The following BRD10 variants were observed in gnomAD, a reference collection of about 807,000 sequenced individuals.
BRD10 encodes the protein bromodomain containing 10.
chr9:5,965,583 T>C, the BRD10 span, among the ~76,000 whole-genome samples: 1 of 152,236 alleles, frequency 6.6e-6, no homozygotes, highest in Non-Finnish European at 1.5e-5. Context: ...ACTGGGGATA[T>C]TACTTAACCT....
chr9:5,982,573 C>T, the BRD10 span, among the ~76,000 whole-genome samples: 21 of 152,308 alleles, frequency 1.4e-4, no homozygotes, highest in African/African-American at 2.4e-4. Flanking sequence ...CCATGTGATG[C>T]CCTGTGCAGT....
the BRD10 span, chr9:6,007,400 G>T: frequency 6.2e-7 from 1 of 1,609,550 alleles, no homozygotes; most frequent in Non-Finnish European, 8.5e-7. Flanking sequence ...GGCTGCTGCG[G>T]GAAGGCGCGA....
chr9:5,943,747 T>C, the BRD10 span, among the ~76,000 whole-genome samples: 4 of 152,172 alleles, frequency 2.6e-5, no homozygotes, highest in Non-Finnish European at 5.9e-5. Context: ...AATATGCACT[T>C]TTCCACATTC....
the BRD10 span, among the ~76,000 whole-genome samples, chr9:5,933,216 G>A: frequency 6.6e-6 from 1 of 152,166 alleles, no homozygotes; most frequent in Non-Finnish European, 1.5e-5. Flanking sequence ...TGTGAACACA[G>A]GGATAAATTA....
chr9:5,944,295 T>C, the BRD10 span, among the ~76,000 whole-genome samples: 2 of 152,160 alleles, frequency 1.3e-5, no homozygotes, highest in South Asian at 2.1e-4. Context: ...TGAATAAATA[T>C]ATGCCCTTAA....
the BRD10 span, among the ~76,000 whole-genome samples, chr9:5,980,682 TAG>T: frequency 8.6e-5 from 13 of 151,594 alleles, no homozygotes; most frequent in African/African-American, 2.7e-4. Context: ...TATATGTATA[TAG>T]AGAGAGAGAG....
At chr9:5,965,673 A>G in the BRD10 span, among the ~76,000 whole-genome samples, 17 of 152,342 alleles carry the variant, frequency 1.1e-4, no homozygotes, top group Middle Eastern at 3.4e-3. Flanking sequence ...ATTTCAAAAC[A>G]AATCTATTAT....
the BRD10 span, among the ~76,000 whole-genome samples, chr9:5,888,516 C>G: frequency 1.6e-4 from 25 of 152,244 alleles, no homozygotes; most frequent in African/African-American, 6.0e-4. Flanking sequence ...TTTTCTTATT[C>G]GAGTTCAAAA....
At chr9:5,994,684 C>G in the BRD10 span, among the ~76,000 whole-genome samples, 205 of 152,268 alleles carry the variant, frequency 1.3e-3, 2 homozygotes, top group Non-Finnish European at 3.5e-4. Flanking sequence ...AATTATATTT[C>G]TGTCTCAGGC....
At chr9:5,962,050 A>T in the BRD10 span, among the ~76,000 whole-genome samples, 1 of 151,962 alleles carries the variant, frequency 6.6e-6, no homozygotes, top group Non-Finnish European at 1.5e-5. Flanking sequence ...TTGCTTTTCT[A>T]GTTCTTTTAA....
chr9:5,930,132 G>C, the BRD10 span, among the ~76,000 whole-genome samples: 1 of 134,060 alleles, frequency 7.5e-6, no homozygotes, highest in Non-Finnish European at 1.6e-5. Flanking sequence ...TTTTTTTTTT[G>C]TAATGGCTTT....
the BRD10 span, among the ~76,000 whole-genome samples, chr9:5,930,372 TATATA>T: frequency 5.1e-4 from 13 of 25,444 alleles, no homozygotes; most frequent in East Asian, 2.6e-3. Context: ...AAGGAGATTA[TATATA>T]TATATATATA....
At chr9:5,959,846 T>C in the BRD10 span, among the ~76,000 whole-genome samples, 18 of 152,312 alleles carry the variant, frequency 1.2e-4, no homozygotes, top group Non-Finnish European at 2.4e-4. Flanking sequence ...TTCAATTATT[T>C]AACATAGTAC....
At chr9:5,927,661 C>A in the BRD10 span, among the ~76,000 whole-genome samples, 7 of 152,134 alleles carry the variant, frequency 4.6e-5, no homozygotes, top group Non-Finnish European at 8.8e-5. Context: ...CTCATTTCCT[C>A]AACCCATCAT....
At chr9:5,935,801 A>T in the BRD10 span, among the ~76,000 whole-genome samples, 2 of 152,218 alleles carry the variant, frequency 1.3e-5, no homozygotes, top group African/African-American at 4.8e-5. Context: ...CACAACGCCT[A>T]ACTCTGACAG....
the BRD10 span, among the ~76,000 whole-genome samples, chr9:5,905,535 G>C: frequency 6.6e-6 from 1 of 152,138 alleles, no homozygotes; most frequent in Non-Finnish European, 1.5e-5. Flanking sequence ...CATATAATGT[G>C]GTATACTTTC....
At chr9:6,004,077 C>G in the BRD10 span, among the ~76,000 whole-genome samples, 1 of 152,166 alleles carries the variant, frequency 6.6e-6, no homozygotes, top group Non-Finnish European at 1.5e-5. Context: ...CTAAAAAGTT[C>G]AGTAGTAATA....
chr9:5,947,404 A>G, the BRD10 span, among the ~76,000 whole-genome samples: 3 of 152,126 alleles, frequency 2.0e-5, no homozygotes, highest in African/African-American at 7.2e-5. Flanking sequence ...GGTACCATGG[A>G]GCTAATGAGT....
the BRD10 span, among the ~76,000 whole-genome samples, chr9:5,916,297 T>C: frequency 6.6e-6 from 1 of 152,202 alleles, no homozygotes; most frequent in Non-Finnish European, 1.5e-5. Flanking sequence ...CTCAAGCTTT[T>C]AATGTTAAAA....
Sources: gnomAD v4.1 joint callset for allele counts (sites outside exome capture counted in the v4.1 genomes callset) on GRCh38, gnomAD v4.1.1 for gene constraint, MANE v1.5 for transcripts, NCBI Gene and HGNC (gene_info 2026-07-23, HGNC 2026-07-21) for gene names.